Variants in GAPVD1 observed in about 807,000 individuals in gnomAD.
The protein encoded by GAPVD1 is GTPase activating protein and VPS9 domains 1, also known as GTPase-activating protein and VPS9 domain-containing protein 1.
GAPVD1 carries 35 observed loss-of-function variants against 155.5 expected under a neutral mutation model. That is an observed-to-expected ratio of 0.23 (90% CI 0.17 to 0.30). The LOEUF (loss-of-function observed/expected upper bound fraction) is 0.30, where lower values mean the gene tolerates loss of function less well. Among genes scored for constraint, GAPVD1 ranks in the 10% least tolerant of loss-of-function variants. The probability of loss-of-function intolerance (pLI) is 1.00; values close to 1 mark genes in which losing one functional copy is unlikely to be tolerated. For missense variants in GAPVD1, 1,429 were observed against 1,775.7 expected (o/e 0.80, Z 3.51); for synonymous variants, 636 against 619.7 (o/e 1.03, Z -0.39).
chr9:125,307,125 G>A (rs1404099931), intron 6 of GAPVD1, among the ~76,000 whole-genome samples: 1 of 151,938 alleles, frequency 6.6e-6, no homozygotes, highest in Non-Finnish European at 1.5e-5. Flanking sequence ...AATTAGCCGG[G>A]CATGGTCGTG....
intron 2 of GAPVD1, among the ~76,000 whole-genome samples, chr9:125,288,881 G>A (rs1838146228): frequency 1.3e-5 from 2 of 152,202 alleles, no homozygotes; most frequent in Admixed American, 1.3e-4. Context: ...AAACAATGCA[G>A]GGAAAGTGTG....
At chr9:125,333,324 C>G (rs1038751610) in intron 15 of GAPVD1, among the ~76,000 whole-genome samples, 3 of 151,992 alleles carry the variant, frequency 2.0e-5, no homozygotes, top group African/African-American at 7.3e-5. Context: ...TCGTGATCCA[C>G]CTGCCTCGGC....
chr9:125,309,959 A>G (rs1207956572), intron 8 of GAPVD1: 3 of 469,210 alleles, frequency 6.4e-6, no homozygotes, highest in African/African-American at 2.0e-5. Context: ...ACTGCCTGGG[A>G]TTCCTCAGCT....
intron 27 of GAPVD1, among the ~76,000 whole-genome samples, chr9:125,361,945 C>T (rs1850981028): frequency 6.6e-6 from 1 of 152,166 alleles, no homozygotes; most frequent in Admixed American, 6.5e-5. Flanking sequence ...ATTTCTACAA[C>T]CTGAACACTT....
intron 27 of GAPVD1, among the ~76,000 whole-genome samples, chr9:125,361,793 A>T (rs2132736357): frequency 6.6e-6 from 1 of 152,284 alleles, no homozygotes; most frequent in East Asian, 1.9e-4. Context: ...GTTTATTTTG[A>T]ACATTTTGAG....
intron 1 of GAPVD1, among the ~76,000 whole-genome samples, chr9:125,267,187 C>T (rs1834114644): frequency 1.3e-5 from 2 of 152,172 alleles, no homozygotes; most frequent in Admixed American, 6.5e-5. Context: ...AACATTTTGC[C>T]ATGTTTACTT....
intron 6 of GAPVD1, among the ~76,000 whole-genome samples, chr9:125,305,661 G>A (rs766344991): frequency 2.6e-5 from 4 of 151,926 alleles, no homozygotes; most frequent in Non-Finnish European, 5.9e-5. Flanking sequence ...GAGCCACCGC[G>A]CCTGGCCAAC....
At chr9:125,322,366 G>A (rs1161250505) in intron 10 of GAPVD1, among the ~76,000 whole-genome samples, 1 of 151,440 alleles carries the variant, frequency 6.6e-6, no homozygotes, top group Non-Finnish European at 1.5e-5. Context: ...GCCTGGCCCC[G>A]GGTTTTTTTT....
chr9:125,338,929 TTGTGTGTGTGTG>T (rs144909106), intron 17 of GAPVD1, among the ~76,000 whole-genome samples: 3 of 146,618 alleles, frequency 2.0e-5, no homozygotes, highest in Non-Finnish European at 3.0e-5. Flanking sequence ...TTAAAAAAAT[TTGTGTGTGTGTG>T]TGTGTGTGTG....
At chr9:125,293,282 T>C (rs1283939857) in intron 2 of GAPVD1, among the ~76,000 whole-genome samples, 1 of 152,114 alleles carries the variant, frequency 6.6e-6, no homozygotes, top group Non-Finnish European at 1.5e-5. Context: ...GTGATTGGAC[T>C]CTTAGGTCTC....
chr9:125,349,773 T>G (rs1180242362), intron 21 of GAPVD1, among the ~76,000 whole-genome samples: 1 of 151,062 alleles, frequency 6.6e-6, no homozygotes, highest in Non-Finnish European at 1.5e-5. Context: ...CCAAGACAGG[T>G]GGATCGCTGG....
At chr9:125,314,264 T>G (rs936558021) in intron 9 of GAPVD1, among the ~76,000 whole-genome samples, 1 of 152,136 alleles carries the variant, frequency 6.6e-6, no homozygotes. Flanking sequence ...ATGGAAGAAA[T>G]AATGGAAAAC....
chr9:125,299,372 T>A (rs1455305951), intron 4 of GAPVD1, among the ~76,000 whole-genome samples: 1 of 152,174 alleles, frequency 6.6e-6, no homozygotes, highest in East Asian at 1.9e-4. Context: ...AAAATGTTAT[T>A]GTTGGCTGGG....
At chr9:125,296,000 A>G (rs1273689637) in intron 3 of GAPVD1, among the ~76,000 whole-genome samples, 2 of 152,128 alleles carry the variant, frequency 1.3e-5, no homozygotes, top group Admixed American at 6.6e-5. Flanking sequence ...ATTTTACCCC[A>G]TTTTTTAATT....
At chr9:125,331,270 G>A (rs918237416) in intron 13 of GAPVD1, among the ~76,000 whole-genome samples, 7 of 151,618 alleles carry the variant, frequency 4.6e-5, no homozygotes, top group Non-Finnish European at 1.0e-4. Flanking sequence ...GTGCAATCAC[G>A]GCTCAGTGCA....
chr9:125,348,677 G>GA (rs1848877062), intron 20 of GAPVD1, among the ~76,000 whole-genome samples: 1 of 151,952 alleles, frequency 6.6e-6, no homozygotes, highest in African/African-American at 2.4e-5. Context: ...ATACGTGGCT[G>GA]ATTTTTGTAT....
intron 19 of GAPVD1, 66 bp from the exon 20 acceptor site, chr9:125,346,753 T>C: frequency 8.1e-7 from 1 of 1,233,402 alleles, no homozygotes; most frequent in Non-Finnish European, 1.2e-6. Context: ...GCTACTGGTG[T>C]CATACTAACA....
intron 3 of GAPVD1, among the ~76,000 whole-genome samples, chr9:125,297,901 A>G (rs1240916080): frequency 6.6e-6 from 1 of 152,120 alleles, no homozygotes; most frequent in Non-Finnish European, 1.5e-5. Flanking sequence ...GTACACCACC[A>G]CACCCAACTA....
chr9:125,264,968 C>A (rs903667235), intron 1 of GAPVD1, among the ~76,000 whole-genome samples: 4 of 152,162 alleles, frequency 2.6e-5, no homozygotes, highest in Non-Finnish European at 5.9e-5. Context: ...ATCTGCCCGC[C>A]TTGGCCCCCC....
Sources: allele counts gnomAD v4.1 joint callset (sites outside exome capture counted in the v4.1 genomes callset), GRCh38; gene constraint gnomAD v4.1.1; transcripts MANE v1.5; gene names NCBI Gene and HGNC (gene_info 2026-07-23, HGNC 2026-07-21).